LANCL1: variants seen among roughly 807,000 people sequenced by gnomAD.
LANCL1 encodes LanC like glutathione S-transferase 1.
Under a neutral mutation model 50.6 loss-of-function variants are expected in LANCL1, and 50 were observed. The ratio of observed to expected loss-of-function variants is 0.99; its 90% CI spans 0.79 to 1.25. LANCL1 has a LOEUF of 1.25. LANCL1 is among the 50% of genes most tolerant of loss of function. The pLI is 0.00. For synonymous variants in LANCL1, 188 were observed against 178.6 expected, an observed-to-expected ratio of 1.05 and a Z score of -0.42; for missense variants, 532 against 480.7, an observed-to-expected ratio of 1.11 and a Z score of -1.00.
chr2:210,472,385 T>TAATA (rs1487022487), intron 2 of LANCL1, among the ~76,000 whole-genome samples: 1 of 152,208 alleles, frequency 6.6e-6, no homozygotes, highest in Admixed American at 6.5e-5. Flanking sequence ...ACCAATATTA[T>TAATA]AATAAAGTCT....
intron 4 of LANCL1, among the ~76,000 whole-genome samples, chr2:210,454,219 T>C (rs1027953332): frequency 2.0e-5 from 3 of 147,620 alleles, no homozygotes; most frequent in Admixed American, 1.4e-4. Context: ...TATGCATACA[T>C]ACACACACAC....
rs1693356995 is a variant in LANCL1 at position 210,446,956 on chromosome 2, C to CACATTCACATTCAGGAACA, written c.408-5532_408-5514dup. ...TATTATCCAGAACTTCCCCAACCTTCACATTCACATTCAGGAACAACATTC... is the reference window on the plus strand; with the variant it reads ...TATTATCCAGAACTTCCCCAACCTTCACATTCACATTCAGGAACAACATTCACATTCAGGAACAACATTC... On this transcript the variant is annotated intron_variant, in intron 4 of 9. Transcript: ENST00000450366. 5.9e-5 allele frequency among the ~76,000 whole-genome samples: 9 copies of CACATTCACATTCAGGAACA among 152,240 alleles called. No individual in the cohort carries two copies. The South Asian group carries it at 1.7e-3, about 28-fold the overall frequency.
chr2:210,460,435 C>T (rs1693816789), intron 3 of LANCL1: 2 of 152,134 alleles, frequency 1.3e-5, no homozygotes. Context: ...CTACTTGAAA[C>T]GTTAATGGCT....
In LANCL1 at chr2:210,459,931, T is replaced by C. The variant is rs150261161; in HGVS notation, c.200-4617A>G. Among the ~76,000 whole-genome samples the C allele has an allele frequency of 1.1e-4, 17 of 152,138 alleles. 1 individual carries two copies. The East Asian group carries it at 2.9e-3, about 26-fold the overall frequency. ...GACACTTCTAAATCTGCAATTTCCT[T>C]ACTCAGGAACTTATGCCAAGCAGTA... On this transcript the variant is annotated intron_variant, in intron 3 of 9. Coordinates refer to ENST00000450366, the MANE Select transcript of LANCL1 (RefSeq NM_006055.3).
At chr2:210,453,318 G>T (rs866058492) in intron 4 of LANCL1, among the ~76,000 whole-genome samples, 1 of 152,162 alleles carries the variant, frequency 6.6e-6, no homozygotes, top group African/African-American at 2.4e-5. Context: ...TTCCCAAAGA[G>T]TGTGTTAGAA....
chr2:210,467,932 A>G (rs1694117951), intron 3 of LANCL1, among the ~76,000 whole-genome samples: 1 of 152,230 alleles, frequency 6.6e-6, no homozygotes, highest in African/African-American at 2.4e-5. Context: ...TTTAGTATGA[A>G]TTGATGCATG....
intron 3 of LANCL1, among the ~76,000 whole-genome samples, chr2:210,462,523 C>A (rs1391684187): frequency 6.6e-6 from 1 of 152,170 alleles, no homozygotes. Context: ...CAATTGATTT[C>A]AGACTATGGA....
intron 6 of LANCL1, among the ~76,000 whole-genome samples, chr2:210,440,130 A>G (rs1241278841): frequency 6.6e-6 from 1 of 152,248 alleles, no homozygotes; most frequent in Non-Finnish European, 1.5e-5. Context: ...TCAGGTAAGT[A>G]GAAGTCTCCT....
At position 210,471,976 on chromosome 2, in the gene LANCL1, C is replaced by G. The variant is rs142677743; in HGVS notation, c.182G>C (p.Gly61Ala). ...CTTCATACCTGCCCAGCCAGTGTAACCGGTGCCATCCCGAGGGTCTGCTGA... is the reference window on the plus strand; with the variant it reads ...CTTCATACCTGCCCAGCCAGTGTAAGCGGTGCCATCCCGAGGGTCTGCTGA... ...LKSADPRDGTGYTGWAGIAVL... is the reference protein window; with the variant it reads ...LKSADPRDGTAYTGWAGIAVL... The change falls in exon 3 of 10, where the codon GGT becomes GCT. Residue 61 changes from glycine (G) to alanine (A), a missense_variant. Transcript: ENST00000450366. The G allele has an allele frequency of 1.2e-6, 2 of 1,613,094 alleles. No individual in the cohort carries two copies. Among genetic ancestry groups the G allele is most frequent in the Admixed American group, 3.3e-5 (2 of 60,024 alleles).
chr2:210,440,732 T>C lies in LANCL1; in HGVS notation c.556A>G (p.Ile186Val), dbSNP rs1173907010. The C allele has an allele frequency of 2.5e-6, 4 of 1,613,450 alleles. No individual in the cohort carries two copies. Among genetic ancestry groups the C allele is most frequent in the African/African-American group, 2.7e-5 (2 of 75,004 alleles). ...QSHIQQICET[I>V]LTSGENLARK... ...GCTAGGTTTTCTCCAGAGGTTAAAATTGTTTCACAAATCTACAGGGAGAAA... is the reference window on the plus strand; with the variant it reads ...GCTAGGTTTTCTCCAGAGGTTAAAACTGTTTCACAAATCTACAGGGAGAAA... Residue 186 changes from isoleucine to valine, a missense_variant, in exon 6 of 10, where the codon ATT becomes GTT. Ile to Val is a conservative substitution (Grantham distance 29). Transcript: ENST00000450366.
intron 3 of LANCL1, among the ~76,000 whole-genome samples, chr2:210,470,981 GCTGT>G (rs957806809): frequency 3.3e-5 from 5 of 151,380 alleles, no homozygotes; most frequent in African/African-American, 7.3e-5. Context: ...AGATTACACA[GCTGT>G]CTTTTGTTTC....
chr2:210,476,560 G>C (rs2105934574), intron 1 of LANCL1, 60 bp downstream of exon 1: 1 of 1,396,426 alleles, frequency 7.2e-7, no homozygotes, highest in Middle Eastern at 2.7e-4. Flanking sequence ...CGGGCCCACT[G>C]CGGCCCAACT....
intron 6 of LANCL1, among the ~76,000 whole-genome samples, chr2:210,438,481 T>C (rs902244785): frequency 6.6e-6 from 1 of 152,214 alleles, no homozygotes; most frequent in African/African-American, 2.4e-5. Context: ...TACATACATA[T>C]AAATAATTTT....
rs938685995 is a variant in LANCL1, at chr2:210,433,352, A to G, written c.*1135T>C. 7 of 152,068 alleles carry G rather than the reference A, an allele frequency of 4.6e-5. No homozygotes were observed. The highest frequency in any genetic ancestry group is 7.2e-5 in the African/African-American group (3 of 41,384). The allele number at this position is 152,068 out of a possible 1,614,324, so 9.4% of individuals were successfully genotyped here. On this transcript the variant is annotated 3_prime_UTR_variant, in exon 10 of 10. Coordinates refer to ENST00000450366, the MANE Select transcript of LANCL1 (RefSeq NM_006055.3). The stretch of plus-strand genomic sequence containing the variant: ...AAAGATGCATTTGTTCTAAGCATGA[A>G]CTCTGGATAATACCTCCTCAATAAA...
chr2:210,474,721 T>C (rs1365373322), intron 2 of LANCL1, among the ~76,000 whole-genome samples: 2 of 106,978 alleles, frequency 1.9e-5, no homozygotes, highest in African/African-American at 3.1e-5. Flanking sequence ...TGAGACTCCG[T>C]CTAAAAAAAT....
intron 4 of LANCL1, among the ~76,000 whole-genome samples, chr2:210,449,833 A>G (rs6755525): frequency 0.66 from 99,410 of 151,518 alleles, 33,107 homozygotes; most frequent in East Asian, 0.82. Flanking sequence ...ACTGCTCAAG[A>G]AAATAACAGA....
At chr2:210,477,576 GAGA>G, upstream of LANCL1, 5 of 1,397,532 alleles carry the variant, frequency 3.6e-6, no homozygotes, top group Middle Eastern at 3.7e-4. Flanking sequence ...CCTCCAACTG[GAGA>G]AGCTCAGTCT....
intron 4 of LANCL1, among the ~76,000 whole-genome samples, chr2:210,448,569 GT>G (rs972196929): frequency 5.3e-5 from 8 of 152,044 alleles, no homozygotes; most frequent in African/African-American, 1.9e-4. Flanking sequence ...CCCAGAGTTG[GT>G]TTTTTGAAAA....
intron 3 of LANCL1, among the ~76,000 whole-genome samples, chr2:210,464,470 AT>A (rs35935368): frequency 0.54 from 82,543 of 151,624 alleles, 23,084 homozygotes; most frequent in East Asian, 0.82. Flanking sequence ...AGATTTAAAA[AT>A]ATATATATAT....
Sources: gnomAD v4.1 joint callset for allele counts (sites outside exome capture counted in the v4.1 genomes callset) on GRCh38, gnomAD v4.1.1 for gene constraint, MANE v1.5 for transcripts, NCBI Gene and HGNC (gene_info 2026-07-23, HGNC 2026-07-21) for gene names.